ADGRB3: variants seen among roughly 807,000 people sequenced by gnomAD.
ADGRB3 encodes brain-specific angiogenesis inhibitor 3.
A neutral mutation model predicts 193.4 loss-of-function variants in ADGRB3; 37 were observed. That is an observed-to-expected ratio of 0.19 (90% CI 0.15 to 0.25). ADGRB3 has a LOEUF of 0.25. Ranked by LOEUF, ADGRB3 falls within the 10% of genes least tolerant of loss-of-function variation. The probability of loss-of-function intolerance (pLI) is 1.00; values close to 1 mark genes in which losing one functional copy is unlikely to be tolerated. For synonymous variants in ADGRB3, 690 were observed against 644.2 expected (o/e 1.07, Z -1.08); for missense variants, 1,637 against 1,852.9 (o/e 0.88, Z 2.14).
chr6:69,050,090 T>G (rs1771348270), intron 15 of ADGRB3, among the ~76,000 whole-genome samples: 1 of 152,218 alleles, frequency 6.6e-6, no homozygotes, highest in Non-Finnish European at 1.5e-5. Flanking sequence ...ACGATCACAG[T>G]TGGACTTCTT....
At chr6:68,822,634 A>G (rs1767767333) in intron 3 of ADGRB3, among the ~76,000 whole-genome samples, 1 of 151,936 alleles carries the variant, frequency 6.6e-6, no homozygotes, top group South Asian at 2.1e-4. Context: ...TGAATCACCA[A>G]ATCTCACATA....
At chr6:69,211,815 ACT>A (rs1194744587) in intron 17 of ADGRB3, among the ~76,000 whole-genome samples, 2 of 152,122 alleles carry the variant, frequency 1.3e-5, no homozygotes, top group African/African-American at 4.8e-5. Flanking sequence ...ACTGCTATCC[ACT>A]GTTTCATCTT....
chr6:68,936,345 A>G (rs1767486101), intron 4 of ADGRB3, among the ~76,000 whole-genome samples, 174 bp from the exon 5 acceptor site: 2 of 152,208 alleles, frequency 1.3e-5, no homozygotes, highest in Non-Finnish European at 2.9e-5. Flanking sequence ...TCAGCATTAT[A>G]TGCATTCGTC....
intron 3 of ADGRB3, among the ~76,000 whole-genome samples, chr6:68,789,661 G>T (rs1226035834): frequency 3.9e-5 from 6 of 152,056 alleles, no homozygotes; most frequent in African/African-American, 1.4e-4. Context: ...GAGTATCTTT[G>T]TGGCATTCTC....
chr6:68,824,907 T>G (rs1396523500), intron 3 of ADGRB3, among the ~76,000 whole-genome samples: 1 of 152,112 alleles, frequency 6.6e-6, no homozygotes, highest in East Asian at 1.9e-4. Flanking sequence ...CAAGCTGGAG[T>G]GCAGTGGCGC....
At chr6:69,127,980 C>T (rs559307454) in intron 17 of ADGRB3, among the ~76,000 whole-genome samples, 1 of 151,784 alleles carries the variant, frequency 6.6e-6, no homozygotes, top group South Asian at 2.1e-4. Flanking sequence ...CACAAAGAGA[C>T]ACTAAAGCCA....
At chr6:69,154,337 T>G (rs1774770671) in intron 17 of ADGRB3, among the ~76,000 whole-genome samples, 1 of 152,202 alleles carries the variant, frequency 6.6e-6, no homozygotes, top group South Asian at 2.1e-4. Context: ...TATTTTATCT[T>G]TTGGTTGTTT....
chr6:69,070,960 T>G (rs534306051), intron 16 of ADGRB3, among the ~76,000 whole-genome samples: 1 of 152,242 alleles, frequency 6.6e-6, no homozygotes, highest in Non-Finnish European at 1.5e-5. Context: ...GCTTTCTTAA[T>G]AGACAAAAGT....
chr6:69,059,078 G>A (rs189870096), intron 15 of ADGRB3, among the ~76,000 whole-genome samples: 22 of 151,984 alleles, frequency 1.4e-4, no homozygotes, highest in Non-Finnish European at 2.7e-4. Flanking sequence ...CCATTATATT[G>A]TTACTATTTA....
intron 17 of ADGRB3, among the ~76,000 whole-genome samples, chr6:69,170,048 A>G (rs1775233664): frequency 6.6e-6 from 1 of 152,158 alleles, no homozygotes; most frequent in East Asian, 1.9e-4. Context: ...CAATTAATGA[A>G]GGGAAATTGA....
At chr6:68,912,589 A>G (rs924915996) in intron 3 of ADGRB3, among the ~76,000 whole-genome samples, 2 of 151,958 alleles carry the variant, frequency 1.3e-5, no homozygotes, top group African/African-American at 4.8e-5. Flanking sequence ...CCATTGTTCA[A>G]TTCCCACCTA....
intron 3 of ADGRB3, among the ~76,000 whole-genome samples, chr6:68,910,408 T>G (rs1157452454): frequency 2.0e-5 from 3 of 152,180 alleles, no homozygotes; most frequent in Non-Finnish European, 2.9e-5. Flanking sequence ...CTCTTTAGTT[T>G]AATTAGATCC....
intron 3 of ADGRB3, among the ~76,000 whole-genome samples, chr6:68,753,978 C>T (rs1229574980): frequency 1.3e-5 from 2 of 152,092 alleles, no homozygotes; most frequent in Non-Finnish European, 2.9e-5. Flanking sequence ...GCTGTACTAT[C>T]CGTCTGAGGT....
At chr6:68,775,845 G>T (rs1766736468) in intron 3 of ADGRB3, among the ~76,000 whole-genome samples, 1 of 151,920 alleles carries the variant, frequency 6.6e-6, no homozygotes, top group Non-Finnish European at 1.5e-5. Context: ...CTTTTTCTTT[G>T]TCTTTTTTGG....
chr6:68,638,791 A>C lies in ADGRB3; in HGVS notation c.116A>C (p.Tyr39Ser). The change falls in exon 3 of 32, where the codon TAT (tyrosine) becomes TCT (serine). Residue 39 changes from tyrosine to serine, a missense_variant. Tyr to Ser is a moderately radical substitution (Grantham distance 144, BLOSUM62 -2). Coordinates refer to ENST00000370598, the MANE Select transcript of ADGRB3 (RefSeq NM_001704.3). ...TCAACTTTGGTGAAGGGAGTCATTT[A>C]TGGATCGTATTCTGTAAGTGAAATG... ...WCSTLVKGVI[Y>S]GSYSVSEMFP... 6.2e-7 allele frequency: 1 copy of C among 1,614,130 alleles called. No homozygotes were observed. The highest frequency in any genetic ancestry group is 2.2e-5 in the East Asian group (1 of 44,854).
At chr6:69,149,308 T>C (rs919700589) in intron 17 of ADGRB3, among the ~76,000 whole-genome samples, 4 of 152,028 alleles carry the variant, frequency 2.6e-5, no homozygotes, top group Non-Finnish European at 4.4e-5. Context: ...TTCTGCTTGG[T>C]GAATTTTTCC....
At chr6:69,105,837 G>T (rs1355897165) in intron 17 of ADGRB3, among the ~76,000 whole-genome samples, 2 of 152,016 alleles carry the variant, frequency 1.3e-5, no homozygotes, top group Admixed American at 1.3e-4. Flanking sequence ...GTTGAATGGG[G>T]GAAAACAAAT....
At chr6:68,983,826 T>TA (rs1166107550) in intron 10 of ADGRB3, among the ~76,000 whole-genome samples, 1 of 152,028 alleles carries the variant, frequency 6.6e-6, no homozygotes, top group Non-Finnish European at 1.5e-5. Context: ...GACTTCAGAT[T>TA]AAAATAAAAT....
intron 4 of ADGRB3, among the ~76,000 whole-genome samples, chr6:68,933,058 C>A (rs897467501): frequency 6.7e-6 from 1 of 149,976 alleles, no homozygotes; most frequent in Admixed American, 6.7e-5. Context: ...GCCTATCATG[C>A]AATCTTTATT....
Sources: gnomAD v4.1 joint callset for allele counts (sites outside exome capture counted in the v4.1 genomes callset) on GRCh38, gnomAD v4.1.1 for gene constraint, MANE v1.5 for transcripts, NCBI Gene and HGNC (gene_info 2026-07-23, HGNC 2026-07-21) for gene names.